Variants in TIMM23B observed in about 807,000 individuals in gnomAD.
TIMM23B encodes mitochondrial import inner membrane translocase subunit Tim23B.
TIMM23B carries 27 observed loss-of-function variants against 27.3 expected under a neutral mutation model. That is an observed-to-expected ratio of 0.99 (90% CI 0.73 to 1.36). TIMM23B has a LOEUF of 1.36. Ranked by LOEUF, TIMM23B falls within the 40% of genes most tolerant of loss-of-function variation. The pLI is 0.00. For synonymous variants in TIMM23B, 73 were observed against 92.4 expected (o/e 0.79, Z 1.21); for missense variants, 205 against 244.2 (o/e 0.84, Z 1.07).
intron 6 of TIMM23B, among the ~76,000 whole-genome samples, chr10:49,967,773 C>T (rs1554855670): frequency 6.6e-6 from 1 of 151,442 alleles, no homozygotes; most frequent in Non-Finnish European, 1.5e-5. Flanking sequence ...GCCTTTTCCT[C>T]TGTCTTAAGA....
chr10:49,969,775 GTCTCCC>G (rs1165452553), intron 6 of TIMM23B, among the ~76,000 whole-genome samples: 2 of 151,044 alleles, frequency 1.3e-5, no homozygotes, highest in Middle Eastern at 3.4e-3. Flanking sequence ...TCTCCCCACG[GTCTCCC>G]TCTCCCTCTC....
intron 5 of TIMM23B, among the ~76,000 whole-genome samples, chr10:49,956,436 TG>T (rs1839726513): frequency 9.8e-6 from 1 of 101,880 alleles, no homozygotes; most frequent in Non-Finnish European, 2.3e-5. Flanking sequence ...CGTGTGTGTG[TG>T]TGTGTGTGTG....
intron 4 of TIMM23B, among the ~76,000 whole-genome samples, chr10:49,952,910 A>T (rs1213975071): frequency 6.6e-6 from 1 of 152,132 alleles, no homozygotes; most frequent in South Asian, 2.1e-4. Context: ...TAAGCAGCTC[A>T]TGAGAGTGAT....
At chr10:49,943,736 G>A (rs1202383107) in intron 1 of TIMM23B, among the ~76,000 whole-genome samples, 3 of 141,034 alleles carry the variant, frequency 2.1e-5, no homozygotes, top group Non-Finnish European at 4.6e-5. Context: ...GGTTTTTGTG[G>A]GTTTTTTTTT....
intron 6 of TIMM23B, among the ~76,000 whole-genome samples, chr10:49,968,216 T>TG (rs1319045412): frequency 1.3e-5 from 2 of 152,196 alleles, no homozygotes; most frequent in Non-Finnish European, 2.9e-5. Flanking sequence ...AGAGTTCTGT[T>TG]TAAGTGAGCA....
chr10:49,969,182 G>T (rs1554856029), intron 6 of TIMM23B, among the ~76,000 whole-genome samples: 2 of 152,240 alleles, frequency 1.3e-5, no homozygotes, highest in Non-Finnish European at 2.9e-5. Flanking sequence ...TACAGGCTGG[G>T]TGTGGTAGCT....
chr10:49,952,629 G>A (rs1839571271), intron 4 of TIMM23B, 96 bp downstream of exon 4: 3 of 1,396,312 alleles, frequency 2.1e-6, no homozygotes, highest in Admixed American at 4.7e-5. Context: ...CAGATGGTTA[G>A]CATAGTTATG....
rs1839568842 is a variant in TIMM23B at position 49,952,564 on chromosome 10, A to G, written c.344+31A>G. The stretch of plus-strand genomic sequence containing the variant: ...TCTCTTGTAACCATCTGATGTAGTG[A>G]TACTTGAATATTAAGCTCTGTTGTA... On this transcript the variant is annotated intron_variant, in intron 4 of 6. Transcript: ENST00000651259. The G allele has an allele frequency of 7.4e-6, 12 of 1,610,998 alleles. No individual in the cohort carries two copies. In the South Asian group the frequency reaches 1.3e-4, roughly 18 times the overall value.
chr10:49,968,657 A>G (rs372383141), intron 6 of TIMM23B, among the ~76,000 whole-genome samples: 3,764 of 143,558 alleles, frequency 0.026, no homozygotes, highest in Non-Finnish European at 0.04. Flanking sequence ...ACACAGTGAA[A>G]CCCCGTCTCT....
chr10:49,966,806 C>G (rs113779979), intron 6 of TIMM23B, among the ~76,000 whole-genome samples: 3,663 of 152,298 alleles, frequency 0.024, 61 homozygotes, highest in Non-Finnish European at 0.037. Context: ...GCCTGGGCAG[C>G]TGAGCGAAAC....
intron 5 of TIMM23B, among the ~76,000 whole-genome samples, chr10:49,957,324 T>C (rs1839757812): frequency 6.6e-6 from 1 of 150,480 alleles, no homozygotes; most frequent in African/African-American, 2.5e-5. Context: ...TGGAGCTCAC[T>C]GCAACCTAGA....
chr10:49,972,762 G>T (rs1201602071), intron 6 of TIMM23B: 3 of 542,752 alleles, frequency 5.5e-6, no homozygotes, highest in Non-Finnish European at 9.9e-6. Flanking sequence ...TGTTTTAGTA[G>T]CCCAGATTAG....
chr10:49,952,574 AT>A, intron 4 of TIMM23B, 41 bp downstream of exon 4: 1 of 1,609,552 alleles, frequency 6.2e-7, no homozygotes, highest in Non-Finnish European at 8.5e-7. Flanking sequence ...ATACTTGAAT[AT>A]TAAGCTCTGT....
In TIMM23B at chr10:49,966,238, G is replaced by A. The variant is rs1392059031; in HGVS notation, c.515-6774G>A. Among the ~76,000 whole-genome samples, 28 of 151,402 alleles carry A rather than the reference G, an allele frequency of 1.8e-4. No individual in the cohort carries two copies. The East Asian group carries it at 3.7e-3, about 20-fold the overall frequency. ...ATAATGAAATGCCAGGTGCGGTGGCGCACTCCAGCTTTGGGCAACAGAGCA... is the reference window on the plus strand; with the variant it reads ...ATAATGAAATGCCAGGTGCGGTGGCACACTCCAGCTTTGGGCAACAGAGCA... On this transcript the variant is annotated intron_variant, in intron 6 of 6. Transcript: ENST00000651259.
At chr10:49,966,121 A>G (rs1242008141) in intron 6 of TIMM23B, among the ~76,000 whole-genome samples, 65 of 150,240 alleles carry the variant, frequency 4.3e-4, no homozygotes, top group African/African-American at 1.5e-3. Context: ...AATGAAATGA[A>G]TAATGAAATG....
intron 6 of TIMM23B, among the ~76,000 whole-genome samples, chr10:49,964,434 T>TTGAAA (rs782740367): frequency 6.7e-6 from 1 of 150,008 alleles, no homozygotes; most frequent in Non-Finnish European, 1.5e-5. Context: ...AGTCTCTGTC[T>TTGAAA]TGAAATGAAA....
chr10:49,942,251 C>T lies in TIMM23B; in HGVS notation c.57C>T (p.Phe19=), dbSNP rs1168150159. The T allele has an allele frequency of 9.6e-5, 155 of 1,612,456 alleles. No homozygotes were observed. The highest frequency in any genetic ancestry group is 4.9e-4 in the Middle Eastern group (3 of 6,072). The change falls in exon 1 of 7, where the codon TTC becomes TTT. Residue 19 remains phenylalanine, a synonymous_variant. Coordinates refer to ENST00000651259, the MANE Select transcript of TIMM23B (RefSeq NM_001290117.2). ...DKTTGVLAGF[F]GAGEAGYSHA... ...CCACAGGGGTATTGGCCGGCTTTTT[C>T]GGAGCCGGCGAAGCAGGTTACTCGC...
intron 2 of TIMM23B, among the ~76,000 whole-genome samples, chr10:49,947,332 G>C (rs1299348017): frequency 6.6e-6 from 1 of 152,208 alleles, no homozygotes; most frequent in Non-Finnish European, 1.5e-5. Flanking sequence ...TGGAGGCCAG[G>C]TGCAGTGGCT....
chr10:49,965,886 G>A (rs1554855344), intron 6 of TIMM23B, among the ~76,000 whole-genome samples: 2 of 150,416 alleles, frequency 1.3e-5, no homozygotes, highest in East Asian at 1.9e-4. Flanking sequence ...GTGCGGTGGC[G>A]CACTCCAGCC....
Sources: allele counts gnomAD v4.1 joint callset (sites outside exome capture counted in the v4.1 genomes callset), GRCh38; gene constraint gnomAD v4.1.1; transcripts MANE v1.5; gene names NCBI Gene and HGNC (gene_info 2026-07-23, HGNC 2026-07-21).